ODF2L: variants seen among roughly 807,000 people sequenced by gnomAD.
ODF2L encodes outer dense fiber of sperm tails 2 like.
A neutral mutation model predicts 86.3 loss-of-function variants in ODF2L; 76 were observed. That is an observed-to-expected ratio of 0.88 (90% CI 0.73 to 1.07). The LOEUF (loss-of-function observed/expected upper bound fraction) is 1.07, where lower values mean the gene tolerates loss of function less well. Among genes scored for constraint, ODF2L ranks in the 50% least tolerant of loss-of-function variants. The pLI, the probability that ODF2L is intolerant of heterozygous loss-of-function variation, is 0.00. For missense variants in ODF2L, 748 were observed against 717.4 expected (o/e 1.04, Z -0.49); for synonymous variants, 241 against 231.3 (o/e 1.04, Z -0.38).
chr1:86,394,915 A>G (rs1661614671), intron 1 of ODF2L, among the ~76,000 whole-genome samples: 1 of 137,380 alleles, frequency 7.3e-6, no homozygotes, highest in African/African-American at 2.8e-5. Flanking sequence ...ATCTCGGCTC[A>G]CGGCAAGCTC....
intron 16 of ODF2L, among the ~76,000 whole-genome samples, chr1:86,354,323 C>A (rs1483038648): frequency 6.6e-6 from 1 of 152,146 alleles, no homozygotes; most frequent in African/African-American, 2.4e-5. Context: ...CTTTCCCCAG[C>A]CACATTACCA....
chr1:86,358,930 A>C (rs1658801478), intron 12 of ODF2L, 39 bp from the exon 12 acceptor site: 1 of 957,934 alleles, frequency 1.0e-6, no homozygotes, highest in African/African-American at 1.7e-5. Context: ...TATTTTTAGA[A>C]TCATAACATG....
At chr1:86,377,129 T>G (rs2390098) in intron 7 of ODF2L, among the ~76,000 whole-genome samples, 49,835 of 151,752 alleles carry the variant, frequency 0.33, 8,390 homozygotes, top group East Asian at 0.52. Context: ...CCAAATGAAA[T>G]AAATTGGCCA....
intron 1 of ODF2L, among the ~76,000 whole-genome samples, chr1:86,389,524 G>T (rs1474318945): frequency 1.4e-5 from 2 of 147,128 alleles, no homozygotes; most frequent in Admixed American, 1.3e-4. Context: ...CCAACAGAAG[G>T]CAGGAAATAA....
chr1:86,386,513 G>A, intron 2 of ODF2L: 1 of 157,616 alleles, frequency 6.3e-6, no homozygotes, highest in Non-Finnish European at 1.4e-5. Flanking sequence ...AGCCTTCCAA[G>A]TAGCTGGGAC....
rs967364903 is a variant in ODF2L at position 86,390,318 on chromosome 1, G to A, written c.-59-3232C>T. ...TGCCTGTAATCCCAGCTACTCAGGA[G>A]GCTGAGGCAGAGAATTGCTTGAACC... On this transcript the variant is annotated intron_variant, in intron 1 of 17. Coordinates refer to ENST00000317336, the Ensembl canonical transcript of ODF2L. Among the ~76,000 whole-genome samples, 19 of 152,196 alleles carry A rather than the reference G, an allele frequency of 1.2e-4. No homozygotes were observed. The East Asian group carries it at 3.7e-3, about 29-fold the overall frequency.
chr1:86,371,993 C>A (rs1435991645), intron 9 of ODF2L, among the ~76,000 whole-genome samples: 1 of 152,004 alleles, frequency 6.6e-6, no homozygotes, highest in African/African-American at 2.4e-5. Flanking sequence ...CGAGACCATC[C>A]TGACCAACAT....
intron 4 of ODF2L, 109 bp downstream of exon 4, chr1:86,384,567 G>C: frequency 2.9e-6 from 2 of 690,572 alleles, no homozygotes; most frequent in South Asian, 5.0e-5. Flanking sequence ...AAAATTCAAA[G>C]CATTATTTCC....
intron 11 of ODF2L, among the ~76,000 whole-genome samples, chr1:86,366,699 T>C (rs1659469706): frequency 6.6e-6 from 1 of 150,842 alleles, no homozygotes; most frequent in Non-Finnish European, 1.5e-5. Flanking sequence ...TTTGATGAAA[T>C]GAACACTTGG....
intron 8 of ODF2L, among the ~76,000 whole-genome samples, chr1:86,373,302 T>C (rs1309229065): frequency 6.6e-6 from 1 of 150,636 alleles, no homozygotes; most frequent in Non-Finnish European, 1.5e-5. Flanking sequence ...ATTTTACTTT[T>C]TTTTTTTTTT....
At chr1:86,387,737 T>A (rs1348140051) in intron 1 of ODF2L, among the ~76,000 whole-genome samples, 1 of 152,134 alleles carries the variant, frequency 6.6e-6, no homozygotes, top group African/African-American at 2.4e-5. Context: ...TACTCCAATT[T>A]AAGTAATGAG....
intron 1 of ODF2L, among the ~76,000 whole-genome samples, chr1:86,394,348 G>A (rs529305207): frequency 1.3e-5 from 2 of 151,418 alleles, no homozygotes; most frequent in East Asian, 1.9e-4. Flanking sequence ...CCCGGGAGGC[G>A]GACGTTGCAG....
At chr1:86,385,360 A>T (rs1215295087) in intron 3 of ODF2L, 98 bp downstream of exon 3, 1 of 673,718 alleles carries the variant, frequency 1.5e-6, no homozygotes, top group Non-Finnish European at 2.5e-6. Flanking sequence ...TGAAATACTC[A>T]TAAGTGAGCA....
exon 18 of ODF2L, chr1:86,352,171 G>T: frequency 6.6e-7 from 1 of 1,516,998 alleles, no homozygotes; most frequent in South Asian, 1.3e-5. Flanking sequence ...TTAGACACTT[G>T]GGAATTAAAA....
At chr1:86,380,115 A>C (rs1316350419) in intron 7 of ODF2L, among the ~76,000 whole-genome samples, 1 of 152,206 alleles carries the variant, frequency 6.6e-6, no homozygotes, top group Non-Finnish European at 1.5e-5. Flanking sequence ...AATAAGTTTT[A>C]GTCTCCCATT....
In ODF2L at chr1:86,385,438, T is replaced by C. The variant is rs1397031096; in HGVS notation, c.246+20A>G. On this transcript the variant is annotated intron_variant, in intron 3 of 17. Coordinates refer to ENST00000317336, the Ensembl canonical transcript of ODF2L. ...ATTATACTAGCTTTTCATTTTATTA[T>C]ATATTCATAAGTCACTCACATTTTC... 1 of 1,460,252 alleles carries C rather than the reference T, an allele frequency of 6.8e-7. No homozygotes were observed. The highest frequency in any genetic ancestry group is 9.5e-7 in the Non-Finnish European group (1 of 1,051,260). 90.5% of individuals were successfully genotyped at this position (1,460,252 alleles called of 1,614,324 possible). A position where few individuals can be genotyped will look rare whatever the true frequency, so the allele number is the denominator to read the frequency against.
chr1:86,359,516 AT>A (rs1185229251), intron 12 of ODF2L, among the ~76,000 whole-genome samples: 7 of 128,796 alleles, frequency 5.4e-5, no homozygotes, highest in African/African-American at 2.0e-4. Context: ...TCCTTAGTTC[AT>A]TCTTTTTTTT....
intron 1 of ODF2L, among the ~76,000 whole-genome samples, chr1:86,390,702 T>C (rs1661263792): frequency 6.6e-6 from 1 of 152,192 alleles, no homozygotes; most frequent in Non-Finnish European, 1.5e-5. Flanking sequence ...AAAAGCCATC[T>C]ATGACAAACC....
At chr1:86,369,175 C>T (rs1467967541) in intron 10 of ODF2L, among the ~76,000 whole-genome samples, 2 of 151,814 alleles carry the variant, frequency 1.3e-5, no homozygotes, top group South Asian at 2.1e-4. Context: ...ATTAAGAAAA[C>T]ATGAGTAGTT....
Sources: allele counts gnomAD v4.1 joint callset (sites outside exome capture counted in the v4.1 genomes callset), GRCh38; gene constraint gnomAD v4.1.1; transcripts MANE v1.5; gene names NCBI Gene and HGNC (gene_info 2026-07-23, HGNC 2026-07-21).